The following CHD7 variants were observed in gnomAD, a reference collection of about 807,000 sequenced individuals.
CHD7 encodes chromodomain helicase DNA binding protein 7, also known as ATP-dependent chromatin remodeler CHD7.
Under a neutral mutation model 307.3 loss-of-function variants are expected in CHD7, and 24 were observed. The ratio of observed to expected loss-of-function variants is 0.08; its 90% CI spans 0.06 to 0.11. The LOEUF (loss-of-function observed/expected upper bound fraction) is 0.11. Ranked by LOEUF, CHD7 falls within the 10% of genes least tolerant of loss-of-function variation. The probability of loss-of-function intolerance (pLI) is 1.00; values close to 1 mark genes in which losing one functional copy is unlikely to be tolerated. For synonymous variants in CHD7, 1,363 were observed against 1,349.9 expected (o/e 1.01, Z -0.21); for missense variants, 3,106 against 3,727.1 (o/e 0.83, Z 4.34).
intron 2 of CHD7, among the ~76,000 whole-genome samples, chr8:60,780,560 A>G (rs748825467): frequency 6.6e-6 from 1 of 152,236 alleles, no homozygotes; most frequent in Non-Finnish European, 1.5e-5. Flanking sequence ...TGCAATGTTC[A>G]GTATACTTGC....
chr8:60,694,728 TC>T (rs1446469192), intron 1 of CHD7, among the ~76,000 whole-genome samples: 1 of 152,068 alleles, frequency 6.6e-6, no homozygotes, highest in Non-Finnish European at 1.5e-5. Context: ...CCTGTTGCCC[TC>T]CCCACCTCAA....
Position 60,865,295 on chromosome 8 carries a change from G to A in CHD7, c.8356G>A (p.Gly2786Arg), listed in dbSNP as rs765315726. 4.7e-5 allele frequency: 76 copies of A among 1,609,998 alleles called. No homozygotes were observed. The Middle Eastern group carries it at 4.9e-4, about 10-fold the overall frequency. ...PPGLATAATA[G>R]GDAKNPAAVL... ...AGGACTGGCAACAGCTGCCACCGCC[G>A]GAGGCGATGCGAAGAACCCTGCTGC... The change falls in exon 38 of 38, where the codon GGA becomes AGA. Residue 2786 changes from glycine (G) to arginine (R), a missense_variant. This residue lies in a region of CHD7 where 351 missense variants were observed against 366.2 expected (regional missense o/e 0.96). Transcript: ENST00000423902. This position sits in a 1 kb window ranked among gnomAD's most constrained non-coding sequence, Gnocchi z 4.3.
At position 60,838,204 on chromosome 8, in the gene CHD7, A is replaced by C. The variant is rs1586420262; in HGVS notation, c.4482A>C (p.Arg1494=). The C allele has an allele frequency of 1.9e-6, 3 of 1,603,222 alleles. No homozygotes were observed. The highest frequency in any genetic ancestry group is 2.6e-6 in the Non-Finnish European group (3 of 1,174,784). The change falls in exon 19 of 38, where the codon CGA becomes CGC. Residue 1494 remains arginine, a synonymous_variant. Coordinates refer to ENST00000423902, the MANE Select transcript of CHD7 (RefSeq NM_017780.4). The part of the protein sequence containing the change: ...EEDIDQILLR[R]THTITIESEG... ...ATATTGATCAGATCCTCCTACGTCG[A>C]ACCCACACCATTACCATTGAGTCAG...
intron 37 of CHD7, chr8:60,863,426 G>A (rs892006758): frequency 1.7e-4 from 26 of 152,196 alleles, no homozygotes; most frequent in African/African-American, 5.8e-4. Context: ...CCAAGTAGCT[G>A]TCTCCATTGC....
chr8:60,835,591 A>G (rs1383106051), intron 15 of CHD7, among the ~76,000 whole-genome samples: 2 of 152,250 alleles, frequency 1.3e-5, no homozygotes, highest in Non-Finnish European at 2.9e-5. Flanking sequence ...ATATGCAATT[A>G]TAGACCCAAA....
chr8:60,858,074 G>T (rs1251201947), intron 34 of CHD7, among the ~76,000 whole-genome samples: 1 of 152,176 alleles, frequency 6.6e-6, no homozygotes, highest in East Asian at 1.9e-4. Flanking sequence ...TGGCCAACAT[G>T]GCAAAACCTT....
At chr8:60,827,959 G>A (rs1804330905) in intron 13 of CHD7, among the ~76,000 whole-genome samples, 1 of 152,026 alleles carries the variant, frequency 6.6e-6, no homozygotes, top group Admixed American at 6.6e-5. Flanking sequence ...GTTAAGACTG[G>A]CCATTGTAAA....
chr8:60,747,375 G>A (rs1809384146), intron 2 of CHD7, among the ~76,000 whole-genome samples: 2 of 152,070 alleles, frequency 1.3e-5, no homozygotes, highest in Admixed American at 6.5e-5. Context: ...ACCCTGCCTG[G>A]CTAAAATATT....
chr8:60,814,159 C>G (rs1310472083), intron 7 of CHD7, among the ~76,000 whole-genome samples: 1 of 152,160 alleles, frequency 6.6e-6, no homozygotes, highest in Non-Finnish European at 1.5e-5. Context: ...ATTTTTGACC[C>G]TTTATTCTTC....
Position 60,864,958 on chromosome 8 carries a change from G to A in CHD7, c.8077-58G>A. 2.0e-6 allele frequency: 3 copies of A among 1,492,564 alleles called. No homozygotes were observed. The South Asian group carries it at 3.7e-5, about 19-fold the overall frequency. 92.5% of individuals were successfully genotyped at this position (1,492,564 alleles called of 1,614,324 possible). On this transcript the variant is annotated intron_variant, in intron 37 of 37. Coordinates refer to ENST00000423902, the MANE Select transcript of CHD7 (RefSeq NM_017780.4). The stretch of plus-strand genomic sequence containing the variant: ...CAGGTTCACCACAGAGGCTCACATT[G>A]AGATCAAGTTGTCTTCGACAGCCTT...
At chr8:60,749,438 G>A (rs1429488483) in intron 2 of CHD7, among the ~76,000 whole-genome samples, 2 of 145,498 alleles carry the variant, frequency 1.4e-5, no homozygotes, top group African/African-American at 5.1e-5. Context: ...TGGCAACTAA[G>A]TAAATTTATG....
intron 1 of CHD7, among the ~76,000 whole-genome samples, chr8:60,698,644 A>G (rs1047265970): frequency 6.6e-6 from 1 of 152,202 alleles, no homozygotes; most frequent in African/African-American, 2.4e-5. Context: ...TTTTATACCA[A>G]ACATTCATTG....
rs531675845 is a variant in CHD7 at position 60,762,201 on chromosome 8, A to G, written c.1666-18799A>G. Among the ~76,000 whole-genome samples, 51 of 152,248 alleles carry G rather than the reference A, an allele frequency of 3.3e-4. 1 individual carries two copies. In the South Asian group the frequency reaches 9.3e-3, roughly 28 times the overall value. On this transcript the variant is annotated intron_variant, in intron 2 of 37. Transcript: ENST00000423902. ...ACAAAAGCCCCATCTTCCTCTAACTACTGCTCCAGGCACAGTGAACTGATT... is the reference window on the plus strand; with the variant it reads ...ACAAAAGCCCCATCTTCCTCTAACTGCTGCTCCAGGCACAGTGAACTGATT...
At chr8:60,717,877 A>G (rs1241529943) in intron 1 of CHD7, among the ~76,000 whole-genome samples, 1 of 152,226 alleles carries the variant, frequency 6.6e-6, no homozygotes, top group Non-Finnish European at 1.5e-5. Context: ...AATATTTGAT[A>G]ATGACAGTAA....
chr8:60,862,404 C>T (rs1806038420), intron 36 of CHD7, 68 bp downstream of exon 36: 1 of 1,528,726 alleles, frequency 6.5e-7, no homozygotes, highest in Non-Finnish European at 8.8e-7. Flanking sequence ...TTTTATCCTG[C>T]CTTCTTCTAT....
At chr8:60,709,941 T>TTTAAATACTCCA (rs1807200890) in intron 1 of CHD7, among the ~76,000 whole-genome samples, 1 of 152,238 alleles carries the variant, frequency 6.6e-6, no homozygotes, top group Non-Finnish European at 1.5e-5. Context: ...TAATGGAGTA[T>TTTAAATACTCCA]TTAAGATTAG....
At position 60,844,927 on chromosome 8, in the gene CHD7, T is replaced by C; in HGVS notation, c.4914T>C (p.Asp1638=). The change falls in exon 22 of 38, where the codon GAT becomes GAC. Residue 1638 remains aspartate (D), a synonymous_variant. Coordinates refer to ENST00000423902, the MANE Select transcript of CHD7 (RefSeq NM_017780.4). Reference sequence around the variant, plus strand: ...ATAAACGCCAACTCACTGAGCAAGATGTAGAAACCATCTGCAGAACCATCC... The same window carrying C: ...ATAAACGCCAACTCACTGAGCAAGACGTAGAAACCATCTGCAGAACCATCC... ...GRYKRQLTEQ[D]VETICRTILV... 6.2e-7 allele frequency: 1 copy of C among 1,613,832 alleles called. No individual in the cohort carries two copies. The highest frequency in any genetic ancestry group is 8.5e-7 in the Non-Finnish European group (1 of 1,179,766).
At chr8:60,800,005 C>T (rs1321447358) in intron 4 of CHD7, among the ~76,000 whole-genome samples, 1 of 152,026 alleles carries the variant, frequency 6.6e-6, no homozygotes, top group Non-Finnish European at 1.5e-5. Flanking sequence ...ATTCATCCTT[C>T]CACTCTGCGC....
Position 60,866,055 on chromosome 8 carries a change from A to T in CHD7, c.*122A>T, listed in dbSNP as rs1806232499. 3 of 900,838 alleles carry T rather than the reference A, an allele frequency of 3.3e-6. No homozygotes were observed. The highest frequency in any genetic ancestry group is 5.0e-6 in the Non-Finnish European group (3 of 595,742). The allele number at this position is 900,838 out of a possible 1,614,324, so 55.8% of individuals were successfully genotyped here. On this transcript the variant is annotated 3_prime_UTR_variant, in exon 38 of 38. Coordinates refer to ENST00000423902, the MANE Select transcript of CHD7 (RefSeq NM_017780.4). ...TGTTCTGTAACATAGTGTAGCAAAA[A>T]AAAAAGTTCAAGTCATGTTATACAG...
Sources: allele counts gnomAD v4.1 joint callset (sites outside exome capture counted in the v4.1 genomes callset), GRCh38; gene constraint gnomAD v4.1.1; regional missense constraint gnomAD v4.1.1; non-coding constraint Gnocchi (gnomAD v3.1); transcripts MANE v1.5; gene names NCBI Gene and HGNC (gene_info 2026-07-23, HGNC 2026-07-21).